Variants in SETX observed in about 807,000 individuals in gnomAD.
SETX encodes senataxin.
Under a neutral mutation model 227.2 loss-of-function variants are expected in SETX, and 90 were observed. That is an observed-to-expected ratio of 0.40 (90% CI 0.33 to 0.47). The LOEUF is 0.47. Among genes scored for constraint, SETX ranks in the 20% least tolerant of loss-of-function variants. SETX has a pLI of 0.91. For missense variants in SETX, 3,052 were observed against 3,181.5 expected (o/e 0.96, Z 0.98); for synonymous variants, 1,210 against 1,113.2 (o/e 1.09, Z -1.73).
intron 11 of SETX, among the ~76,000 whole-genome samples, chr9:132,307,391 T>C (rs1480737793): frequency 1.3e-5 from 2 of 152,196 alleles, no homozygotes; most frequent in Non-Finnish European, 2.9e-5. Context: ...ACAATCTTTA[T>C]GTATCCTTAT....
intron 12 of SETX, among the ~76,000 whole-genome samples, chr9:132,299,981 T>C (rs1844893489): frequency 6.6e-6 from 1 of 151,774 alleles, no homozygotes; most frequent in South Asian, 2.1e-4. Context: ...ACACAAAAAA[T>C]TAGCCGGGAC....
At chr9:132,332,507 CTTATA>C (rs1847302960) in intron 7 of SETX, among the ~76,000 whole-genome samples, 1 of 152,182 alleles carries the variant, frequency 6.6e-6, no homozygotes, top group Non-Finnish European at 1.5e-5. Flanking sequence ...TTTGAACTTT[CTTATA>C]TATGTTTGTA....
In SETX at chr9:132,328,920, C is replaced by A; in HGVS notation, c.2678G>T (p.Gly893Val). The A allele has an allele frequency of 6.2e-7, 1 of 1,613,296 alleles. No individual in the cohort carries two copies. Among genetic ancestry groups the A allele is most frequent in the Non-Finnish European group, 8.5e-7 (1 of 1,179,818 alleles). The change falls in exon 10 of 26, where the codon GGT (glycine) becomes GTT (valine). Residue 893 changes from glycine (G) to valine (V), a missense_variant. This residue lies in a region of SETX where 1,483 missense variants were observed against 1,312.0 expected (regional missense o/e 1.13). Coordinates refer to ENST00000224140, the MANE Select transcript of SETX (RefSeq NM_015046.7). ...NCKIQEFHVD[G>V]KELIPFTEMT... ...TTCTGTAAAAGGGATCAATTCTTTA[C>A]CATCAACATGAAATTCCTGTATTTT...
rs562917496 is a variant in SETX, at chr9:132,295,778, C to T, written c.6106+94G>A. ...CCACAGATTCAAGTAGAAGCTATTA[C>T]CAGGACTGGCCTGCTCTTTCCTTTG... is the stretch of plus-strand genomic sequence containing the variant. On this transcript the variant is annotated intron_variant, in intron 15 of 25. Transcript: ENST00000224140. 4.9e-5 allele frequency: 56 copies of T among 1,138,252 alleles called. No individual in the cohort carries two copies. The East Asian group carries it at 6.1e-4, about 12-fold the overall frequency. 70.5% of individuals were successfully genotyped at this position (1,138,252 alleles called of 1,614,324 possible).
At position 132,334,661 on chromosome 9, in the gene SETX, T is replaced by C. The variant is rs770255148; in HGVS notation, c.785A>G (p.Lys262Arg). The C allele has an allele frequency of 2.5e-6, 4 of 1,614,120 alleles. No individual in the cohort carries two copies. Among genetic ancestry groups the C allele is most frequent in the Non-Finnish European group, 2.5e-6 (3 of 1,180,008 alleles). Reference sequence around the variant, plus strand: ...TATCGATTGCATAAAATCATTTTGTTTGTCTGAGCCCAACAACAGGGAATC... The same window carrying C: ...TATCGATTGCATAAAATCATTTTGTCTGTCTGAGCCCAACAACAGGGAATC... ...AMDSLLLGSD[K>R]QNDFMQSILH... The change falls in exon 7 of 26, where the codon AAA (lysine) becomes AGA (arginine). Residue 262 changes from lysine (K) to arginine (R), a missense_variant. Lys to Arg is a conservative substitution (Grantham distance 26). Transcript: ENST00000224140.
At chr9:132,320,622 A>C (rs558328431) in intron 10 of SETX, among the ~76,000 whole-genome samples, 7 of 151,164 alleles carry the variant, frequency 4.6e-5, no homozygotes, top group African/African-American at 1.7e-4. Flanking sequence ...AAAAAAACTA[A>C]ACAAGGCACC....
At chr9:132,300,913 C>T in intron 11 of SETX, 110 bp from the exon 12 acceptor site, 1 of 891,408 alleles carries the variant, frequency 1.1e-6, no homozygotes, top group Non-Finnish European at 1.7e-6. Context: ...ATACACAGCA[C>T]TAAAGGACTC....
intron 11 of SETX, among the ~76,000 whole-genome samples, chr9:132,310,813 T>C (rs1356214072): frequency 6.6e-6 from 1 of 152,170 alleles, no homozygotes; most frequent in Admixed American, 6.5e-5. Flanking sequence ...ATCTACTGAG[T>C]GTGACGATGA....
chr9:132,343,470 C>T (rs1848115303), intron 4 of SETX, among the ~76,000 whole-genome samples: 1 of 152,152 alleles, frequency 6.6e-6, no homozygotes, highest in Non-Finnish European at 1.5e-5. Flanking sequence ...TTATCTGATA[C>T]AAAAACAAGG....
rs765160099 is a variant in SETX at position 132,328,374 on chromosome 9, T to G, written c.3224A>C (p.Glu1075Ala). The G allele has an allele frequency of 6.2e-7, 1 of 1,614,032 alleles. No homozygotes were observed. The highest frequency in any genetic ancestry group is 8.5e-7 in the Non-Finnish European group (1 of 1,179,992). ...AAACTCAAAACACTGAGAATCAGAT[T>G]CCTCAAACTGAAAAAGAGTCTCTGT... ...EKTETLFQFEESDSQCFEFES... is the reference protein window; with the variant it reads ...EKTETLFQFEASDSQCFEFES... The change falls in exon 10 of 26, where the codon GAA becomes GCA. Residue 1075 changes from glutamate (E) to alanine (A), a missense_variant. Around this residue, in one of 10 missense-constraint regions of SETX, gnomAD observed 1,483 missense variants for 1,312.0 expected, o/e 1.13. Transcript: ENST00000224140.
At chr9:132,311,111 C>A (rs1432877322) in intron 11 of SETX, among the ~76,000 whole-genome samples, 4 of 152,100 alleles carry the variant, frequency 2.6e-5, no homozygotes, top group Admixed American at 6.5e-5. Context: ...GGACTACAGG[C>A]ACCCGCCACC....
intron 4 of SETX, among the ~76,000 whole-genome samples, chr9:132,345,066 C>A (rs757577913): frequency 2.6e-5 from 4 of 152,066 alleles, no homozygotes; most frequent in African/African-American, 4.8e-5. Context: ...ACCTCACCCC[C>A]CAAAAGGGGT....
Position 132,335,947 on chromosome 9 carries a change from A to C in SETX, c.718+349T>G, listed in dbSNP as rs544513385. Among the ~76,000 whole-genome samples the C allele has an allele frequency of 6.5e-4, 99 of 152,338 alleles. 1 individual carries two copies. The highest frequency in any genetic ancestry group is 6.3e-3 in the Admixed American group (97 of 15,306). On this transcript the variant is annotated intron_variant, in intron 6 of 25. Coordinates refer to ENST00000224140, the MANE Select transcript of SETX (RefSeq NM_015046.7). The stretch of plus-strand genomic sequence containing the variant: ...AGAACACTTCCCTTTTAGGACCCTC[A>C]TAGGAACTACAGGGCCGGGCGCGGT...
intron 19 of SETX, among the ~76,000 whole-genome samples, chr9:132,282,147 C>T (rs1229722322): frequency 2.0e-5 from 3 of 150,752 alleles, no homozygotes; most frequent in Non-Finnish European, 3.0e-5. Flanking sequence ...CCAACGGGGC[C>T]ACTACCACTT....
chr9:132,349,142 C>CA (rs1420280273), intron 3 of SETX, 110 bp downstream of exon 3: 5 of 1,106,604 alleles, frequency 4.5e-6, no homozygotes, highest in African/African-American at 1.6e-5. Context: ...AAAAAACCCA[C>CA]AAAGTTGAAA....
chr9:132,311,908 C>G, intron 10 of SETX, 52 bp from the exon 11 acceptor site: 1 of 1,329,680 alleles, frequency 7.5e-7, no homozygotes, highest in Non-Finnish European at 1.1e-6. Flanking sequence ...GAAAGTGATG[C>G]TAAATAGTAA....
At chr9:132,325,350 G>A (rs994168651) in intron 10 of SETX, among the ~76,000 whole-genome samples, 2 of 151,188 alleles carry the variant, frequency 1.3e-5, no homozygotes, top group African/African-American at 4.9e-5. Context: ...AGCGAGACTC[G>A]TCTCAAAAAA....
chr9:132,297,099 G>A (rs773223837), intron 13 of SETX, 45 bp from the exon 14 acceptor site: 14 of 1,515,572 alleles, frequency 9.2e-6, no homozygotes, highest in Admixed American at 3.7e-5. Context: ...TGTTTCTGTA[G>A]TGGAATTTGA....
chr9:132,271,285 C>T (rs1191325786), intron 24 of SETX, among the ~76,000 whole-genome samples: 4 of 152,098 alleles, frequency 2.6e-5, no homozygotes, highest in Non-Finnish European at 5.9e-5. Flanking sequence ...ACACCAAGGC[C>T]GGGCGCAGTG....
Sources: allele counts gnomAD v4.1 joint callset (sites outside exome capture counted in the v4.1 genomes callset), GRCh38; gene constraint gnomAD v4.1.1; regional missense constraint gnomAD v4.1.1; transcripts MANE v1.5; gene names NCBI Gene and HGNC (gene_info 2026-07-23, HGNC 2026-07-21).